SLC44A3: variants seen among roughly 807,000 people sequenced by gnomAD.
SLC44A3 encodes the protein choline transporter-like protein 3.
Under a neutral mutation model 75.4 loss-of-function variants are expected in SLC44A3, and 74 were observed. The observed-to-expected ratio is 0.98, with a 90% CI of 0.81 to 1.19. SLC44A3 has a LOEUF of 1.19. Among genes scored for constraint, SLC44A3 ranks in the 50% most tolerant of loss-of-function variants. The pLI is 0.00. For missense variants in SLC44A3, 700 were observed against 778.6 expected (o/e 0.90, Z 1.20); for synonymous variants, 310 against 296.9 (o/e 1.04, Z -0.45).
chr1:94,891,059 C>T (rs1670151356), intron 12 of SLC44A3, 71 bp from the exon 13 acceptor site: 2 of 1,363,894 alleles, frequency 1.5e-6, no homozygotes, highest in Admixed American at 4.5e-5. Flanking sequence ...TGCAAACACT[C>T]TGTATTAATA....
Position 94,842,053 on chromosome 1 carries a change from A to G in SLC44A3, c.814A>G (p.Ile272Val), listed in dbSNP as rs1446891899. ...LYYDYTNDLS[I>V]ELDTERENMK... ...TTATGACTATACCAACGACCTCAGC[A>G]TAGAATTGGACACAGAAAGGGAAAA... is the stretch of plus-strand genomic sequence containing the variant. The change falls in exon 8 of 15, where the codon ATA becomes GTA. Residue 272 changes from isoleucine to valine, a missense_variant. By Grantham distance (29) the Ile-to-Val change is conservative (BLOSUM62 3). Coordinates refer to ENST00000271227, the MANE Select transcript of SLC44A3 (RefSeq NM_001114106.3). 6.2e-7 allele frequency: 1 copy of G among 1,613,638 alleles called. No homozygotes were observed. The highest frequency in any genetic ancestry group is 8.5e-7 in the Non-Finnish European group (1 of 1,179,832).
chr1:94,893,828 C>A (rs1397827788), intron 14 of SLC44A3, among the ~76,000 whole-genome samples: 1 of 151,956 alleles, frequency 6.6e-6, no homozygotes, highest in Non-Finnish European at 1.5e-5. Context: ...GGCACTATGG[C>A]TCACACCTGC....
rs1247896947 is a variant in SLC44A3 at position 94,862,816 on chromosome 1, C to T, written c.1239-1927C>T. Among the ~76,000 whole-genome samples, 5 of 152,178 alleles carry T rather than the reference C, an allele frequency of 3.3e-5. No individual in the cohort carries two copies. The South Asian group carries it at 1.0e-3, about 32-fold the overall frequency. On this transcript the variant is annotated intron_variant, in intron 10 of 14. Coordinates refer to ENST00000271227, the MANE Select transcript of SLC44A3 (RefSeq NM_001114106.3). ...TCATCGCTGGGTTGCCCCATATGCTCAACACTGGAATGTTGTCCCCCAGGT... is the reference window on the plus strand; with the variant it reads ...TCATCGCTGGGTTGCCCCATATGCTTAACACTGGAATGTTGTCCCCCAGGT...
rs577803832 is a variant in SLC44A3 at position 94,833,492 on chromosome 1, G to A, written c.510-4219G>A. ...AGGGCTGTCTTAGACACGATCGGTGGCACCCCATCACTGGGACTTGTGCAC... is the reference window on the plus strand; with the variant it reads ...AGGGCTGTCTTAGACACGATCGGTGACACCCCATCACTGGGACTTGTGCAC... On this transcript the variant is annotated intron_variant, in intron 5 of 14. Transcript: ENST00000271227. Among the ~76,000 whole-genome samples the A allele has an allele frequency of 3.3e-5, 5 of 152,274 alleles. No homozygotes were observed. The South Asian group carries it at 8.3e-4, about 25-fold the overall frequency.
chr1:94,882,561 G>A (rs1486775148), intron 12 of SLC44A3, among the ~76,000 whole-genome samples: 1 of 152,142 alleles, frequency 6.6e-6, no homozygotes, highest in Non-Finnish European at 1.5e-5. Flanking sequence ...GGATGTAACA[G>A]CACTCCAACT....
chr1:94,881,030 C>A (rs181810833), intron 12 of SLC44A3, among the ~76,000 whole-genome samples: 1 of 151,998 alleles, frequency 6.6e-6, no homozygotes, highest in Non-Finnish European at 1.5e-5. Flanking sequence ...GTCGTAAGAC[C>A]CCGTCTCAAG....
Position 94,873,646 on chromosome 1 carries a change from A to T in SLC44A3, c.1482+6229A>T, listed in dbSNP as rs375757622. Reference sequence around the variant, plus strand: ...TCTCTTCCCCCGCCCCTTTCCTTGCAGTTAGCTCTGTTTCAATGACTGTCT... The same window carrying T: ...TCTCTTCCCCCGCCCCTTTCCTTGCTGTTAGCTCTGTTTCAATGACTGTCT... On this transcript the variant is annotated intron_variant, in intron 12 of 14. Coordinates refer to ENST00000271227, the MANE Select transcript of SLC44A3 (RefSeq NM_001114106.3). Among the ~76,000 whole-genome samples the T allele has an allele frequency of 2.9e-4, 44 of 152,230 alleles. No homozygotes were observed. The East Asian group carries it at 7.3e-3, about 25-fold the overall frequency.
At chr1:94,864,497 CTT>C (rs1161959481) in intron 10 of SLC44A3, among the ~76,000 whole-genome samples, 1 of 152,142 alleles carries the variant, frequency 6.6e-6, no homozygotes, top group Non-Finnish European at 1.5e-5. Flanking sequence ...AAGAGGGAAA[CTT>C]TTTTAACTCA....
Position 94,894,850 on chromosome 1 carries a change from T to C in SLC44A3, c.1890T>C (p.Asn630=), listed in dbSNP as rs1267362205. Reference sequence around the variant, plus strand: ...TAAAAAGGAGCAACAAATTAAACAATGCAAGGGCACAGCAGGACAAGCACT... The same window carrying C: ...TAAAAAGGAGCAACAAATTAAACAACGCAAGGGCACAGCAGGACAAGCACT... ...SFVKRSNKLN[N]ARAQQDKHSL... Residue 630 remains asparagine, a synonymous_variant, in exon 15 of 15, where the codon AAT becomes AAC. Transcript: ENST00000271227. 10 of 1,611,994 alleles carry C rather than the reference T, an allele frequency of 6.2e-6. No individual in the cohort carries two copies. Among genetic ancestry groups the C allele is most frequent in the Non-Finnish European group, 8.5e-7 (1 of 1,178,878 alleles).
At chr1:94,820,505 G>A (rs1027119197) in intron 1 of SLC44A3, 27 bp downstream of exon 1, 2 of 1,488,328 alleles carry the variant, frequency 1.3e-6, no homozygotes, top group East Asian at 2.8e-5. Context: ...TCGGCCCTCG[G>A]GGGAGGAGCC....
intron 4 of SLC44A3, among the ~76,000 whole-genome samples, chr1:94,827,909 G>C (rs531499552): frequency 6.6e-6 from 1 of 152,296 alleles, no homozygotes; most frequent in African/African-American, 2.4e-5. Context: ...CACAGAGAGA[G>C]AGAGGAGACA....
At chr1:94,866,587 G>C (rs1266204934) in intron 11 of SLC44A3, among the ~76,000 whole-genome samples, 2 of 152,206 alleles carry the variant, frequency 1.3e-5, no homozygotes, top group Non-Finnish European at 2.9e-5. Context: ...AGGCTGAAAA[G>C]TGTCCAGATC....
intron 9 of SLC44A3, among the ~76,000 whole-genome samples, chr1:94,849,361 C>T (rs1042229594): frequency 1.3e-5 from 2 of 152,180 alleles, no homozygotes; most frequent in African/African-American, 4.8e-5. Context: ...CCCTTCCCCA[C>T]CCCGCTGGGG....
chr1:94,835,272 A>G (rs1662632385), intron 5 of SLC44A3, among the ~76,000 whole-genome samples: 1 of 152,192 alleles, frequency 6.6e-6, no homozygotes, highest in Non-Finnish European at 1.5e-5. Flanking sequence ...CAACATAGCA[A>G]GACTCTGTCT....
At chr1:94,845,607 C>G (rs1050139184) in intron 9 of SLC44A3, 143 bp downstream of exon 9, 5 of 683,580 alleles carry the variant, frequency 7.3e-6, no homozygotes, top group Admixed American at 3.7e-5. Flanking sequence ...GCTTGGGGCT[C>G]TGTCATGGGG....
chr1:94,881,511 T>C (rs968298810), intron 12 of SLC44A3, among the ~76,000 whole-genome samples: 5 of 151,318 alleles, frequency 3.3e-5, no homozygotes, highest in African/African-American at 1.2e-4. Context: ...AAGACCATCC[T>C]GGCTAACATG....
At chr1:94,876,099 C>T (rs1216929258) in intron 12 of SLC44A3, among the ~76,000 whole-genome samples, 3 of 152,212 alleles carry the variant, frequency 2.0e-5, no homozygotes, top group African/African-American at 7.2e-5. Flanking sequence ...GTGGACACCA[C>T]GCTGCCTGGG....
At chr1:94,858,317 T>C (rs1419649254) in intron 10 of SLC44A3, among the ~76,000 whole-genome samples, 1 of 152,208 alleles carries the variant, frequency 6.6e-6, no homozygotes, top group African/African-American at 2.4e-5. Flanking sequence ...TTACAAAATA[T>C]AATTTATATT....
intron 9 of SLC44A3, among the ~76,000 whole-genome samples, chr1:94,848,248 C>A (rs1466040103): frequency 2.8e-5 from 4 of 145,250 alleles, no homozygotes; most frequent in Admixed American, 2.0e-4. Flanking sequence ...AAAAAATAGG[C>A]CTCTTCAAGT....
Sources: allele counts gnomAD v4.1 joint callset (sites outside exome capture counted in the v4.1 genomes callset), GRCh38; gene constraint gnomAD v4.1.1; transcripts MANE v1.5; gene names NCBI Gene and HGNC (gene_info 2026-07-23, HGNC 2026-07-21).